ZNF469: variants seen among roughly 807,000 people sequenced by gnomAD.
The protein encoded by ZNF469 is zinc finger protein 469.
A neutral mutation model predicts 1.0 loss-of-function variants in ZNF469; 1 was observed. The ratio of observed to expected loss-of-function variants is 1.00; its 90% CI spans 0.35 to 4.73. The LOEUF (loss-of-function observed/expected upper bound fraction) is 4.73, where lower values mean the gene tolerates loss of function less well. Ranked by LOEUF, ZNF469 falls within the 30% of genes most tolerant of loss-of-function variation. The pLI, the probability that ZNF469 is intolerant of heterozygous loss-of-function variation, is 0.16. For synonymous variants in ZNF469, 2,703 were observed against 2,363.4 expected (o/e 1.14, Z -4.17); for missense variants, 6,100 against 5,356.3 (o/e 1.14, Z -4.33).
At chr16:88,229,666 G>GGC in the ZNF469 span, among the ~76,000 whole-genome samples, 5 of 13,960 alleles carry the variant, frequency 3.6e-4, no homozygotes, top group East Asian at 0.074. Context: ...GCGTGTGGAT[G>GGC]TCGCGTGTGT....
At chr16:88,319,252 C>T in the ZNF469 span, among the ~76,000 whole-genome samples, 1 of 152,132 alleles carries the variant, frequency 6.6e-6, no homozygotes, top group African/African-American at 2.4e-5. Context: ...TTGCAGGTGG[C>T]CGAGACCTGG....
chr16:88,261,055 C>T, the ZNF469 span, among the ~76,000 whole-genome samples: 16 of 152,106 alleles, frequency 1.1e-4, no homozygotes, highest in Non-Finnish European at 1.8e-4. This position sits in a 1 kb window ranked among gnomAD's most constrained non-coding sequence, Gnocchi z 6.0. Flanking sequence ...TGGTGCCTGA[C>T]GGGGGCTTCC....
At chr16:88,236,812 A>C in the ZNF469 span, among the ~76,000 whole-genome samples, 1 of 151,952 alleles carries the variant, frequency 6.6e-6, no homozygotes, top group Non-Finnish European at 1.5e-5. Flanking sequence ...GGTTGCTGTG[A>C]GCCGAGCTAG....
At chr16:88,160,065 C>G in the ZNF469 span, among the ~76,000 whole-genome samples, 1 of 152,362 alleles carries the variant, frequency 6.6e-6, no homozygotes, top group African/African-American at 2.4e-5. Context: ...GCTGGCTTTT[C>G]TCCTATCCCA....
At chr16:88,289,852 ATGTT>A in the ZNF469 span, among the ~76,000 whole-genome samples, 1 of 152,168 alleles carries the variant, frequency 6.6e-6, no homozygotes, top group Non-Finnish European at 1.5e-5. Flanking sequence ...TGTCTGTTGT[ATGTT>A]TGTGGAGTGA....
chr16:88,214,049 G>T, the ZNF469 span, among the ~76,000 whole-genome samples: 1 of 152,256 alleles, frequency 6.6e-6, no homozygotes, highest in East Asian at 1.9e-4. Flanking sequence ...GATTTGGGTG[G>T]TTACTCTTGT....
chr16:88,354,335 G>T, the ZNF469 span, among the ~76,000 whole-genome samples: 1 of 152,208 alleles, frequency 6.6e-6, no homozygotes, highest in South Asian at 2.1e-4. Flanking sequence ...GGGTAGGAGG[G>T]CTTCTGGCAG....
chr16:88,166,219 C>T, the ZNF469 span, among the ~76,000 whole-genome samples: 17 of 152,292 alleles, frequency 1.1e-4, no homozygotes, highest in African/African-American at 4.1e-4. The surrounding 1 kb of genome is among the most constrained non-coding windows in gnomAD (Gnocchi z 4.5). Context: ...CCCACACACC[C>T]ACCACCTAAA....
intron 1 of ZNF469, among the ~76,000 whole-genome samples, chr16:88,397,724 G>C (rs1053365532): frequency 6.6e-6 from 1 of 151,766 alleles, no homozygotes; most frequent in African/African-American, 2.4e-5. Context: ...GAAAGAGAGA[G>C]AGAGAGATTC....
the ZNF469 span, among the ~76,000 whole-genome samples, chr16:88,203,283 A>G: frequency 6.6e-6 from 1 of 152,074 alleles, no homozygotes; most frequent in Admixed American, 6.5e-5. Flanking sequence ...TCTAGGAAGA[A>G]TGGGGTCCTC....
chr16:88,406,421 G>A (rs1041716663), intron 1 of ZNF469, among the ~76,000 whole-genome samples: 2 of 152,246 alleles, frequency 1.3e-5, no homozygotes, highest in African/African-American at 2.4e-5. Flanking sequence ...CCCGCTGCCC[G>A]CTGTGGCCTT....
chr16:88,198,582 T>C, the ZNF469 span, among the ~76,000 whole-genome samples: 1 of 152,206 alleles, frequency 6.6e-6, no homozygotes, highest in Non-Finnish European at 1.5e-5. Context: ...TGTCTACCCA[T>C]GGCTAGCAGT....
the ZNF469 span, among the ~76,000 whole-genome samples, chr16:88,309,505 G>A: frequency 1.5e-5 from 2 of 136,260 alleles, no homozygotes; most frequent in Admixed American, 8.0e-5. Flanking sequence ...CTGACGGGGG[G>A]AGTGCCCTCT....
In ZNF469 at chr16:88,430,560, G is replaced by C. The variant is rs1884432003; in HGVS notation, c.3090G>C (p.Leu1030=). 6.8e-7 allele frequency: 1 copy of C among 1,472,592 alleles called. No individual in the cohort carries two copies. The highest frequency in any genetic ancestry group is 8.9e-7 in the Non-Finnish European group (1 of 1,118,774). 91.2% of individuals were successfully genotyped at this position (1,472,592 alleles called of 1,614,324 possible). A position where few individuals can be genotyped will look rare whatever the true frequency, so the allele number is the denominator to read the frequency against. ...EETRSSRRRR[L]PPRKDPRKRK... ...CCCGCAGCTCCCGGCGCCGCCGGCTGCCCCCCAGGAAGGACCCCAGGAAGA... is the reference window on the plus strand; with the variant it reads ...CCCGCAGCTCCCGGCGCCGCCGGCTCCCCCCCAGGAAGGACCCCAGGAAGA... The change falls in exon 3 of 3, where the codon CTG becomes CTC. Residue 1030 remains leucine, a synonymous_variant. Coordinates refer to ENST00000565624, the MANE Select transcript of ZNF469 (RefSeq NM_001367624.2).
the ZNF469 span, among the ~76,000 whole-genome samples, chr16:88,323,004 C>T: frequency 5.9e-5 from 9 of 152,222 alleles, no homozygotes; most frequent in African/African-American, 1.9e-4. Flanking sequence ...ACTCATGCCA[C>T]CCAGCCACGG....
chr16:88,348,608 C>T, the ZNF469 span, among the ~76,000 whole-genome samples: 2 of 152,166 alleles, frequency 1.3e-5, no homozygotes, highest in Non-Finnish European at 2.9e-5. Flanking sequence ...CCCAGTGGAC[C>T]GGGTCAAACA....
At chr16:88,251,538 C>CTTTTTTTTT in the ZNF469 span, among the ~76,000 whole-genome samples, 94 of 51,282 alleles carry the variant, frequency 1.8e-3, 21 homozygotes, top group East Asian at 4.4e-3. Flanking sequence ...TCCCTGCTGT[C>CTTTTTTTTT]TTTTTTTTTT....
the ZNF469 span, among the ~76,000 whole-genome samples, chr16:88,105,745 G>A: frequency 3.0e-3 from 462 of 152,336 alleles, 2 homozygotes; most frequent in Non-Finnish European, 5.7e-3. Context: ...GCCCTGGTGG[G>A]AGCTCGGTAG....
At chr16:88,355,198 C>T in the ZNF469 span, among the ~76,000 whole-genome samples, 1 of 152,224 alleles carries the variant, frequency 6.6e-6, no homozygotes, top group African/African-American at 2.4e-5. Context: ...ATCACGCCCC[C>T]TCCCAGAGTC....
Sources: allele counts gnomAD v4.1 joint callset (sites outside exome capture counted in the v4.1 genomes callset), GRCh38; gene constraint gnomAD v4.1.1; non-coding constraint Gnocchi (gnomAD v3.1); transcripts MANE v1.5; gene names NCBI Gene and HGNC (gene_info 2026-07-23, HGNC 2026-07-21).